The following TMEM229B variants were observed in gnomAD, a reference collection of about 807,000 sequenced individuals.
The protein encoded by TMEM229B is chromosome 14 open reading frame 83.
A neutral mutation model predicts 13.7 loss-of-function variants in TMEM229B; 6 were observed. That is an observed-to-expected ratio of 0.44 (90% CI 0.24 to 0.86). The LOEUF (loss-of-function observed/expected upper bound fraction) is 0.86. Ranked by LOEUF, TMEM229B falls within the 40% of genes least tolerant of loss-of-function variation. The pLI is 0.23. For synonymous variants in TMEM229B, 107 were observed against 102.1 expected, an observed-to-expected ratio of 1.05 and a Z score of -0.29; for missense variants, 170 against 236.0, an observed-to-expected ratio of 0.72 and a Z score of 1.83.
At chr14:67,489,247 A>C (rs2032053254), upstream of TMEM229B, among the ~76,000 whole-genome samples, 1 of 152,214 alleles carries the variant, frequency 6.6e-6, no homozygotes, top group Non-Finnish European at 1.5e-5. Flanking sequence ...AGATTTGGCC[A>C]AATCCAAACA....
intron 1 of TMEM229B, among the ~76,000 whole-genome samples, chr14:67,504,579 A>G (rs1594708861): frequency 6.6e-6 from 1 of 152,294 alleles, no homozygotes; most frequent in South Asian, 2.1e-4. Flanking sequence ...AAGATGTTAA[A>G]TCAAAAAAAT....
chr14:67,514,740 A>T (rs755241744), intron 1 of TMEM229B, among the ~76,000 whole-genome samples: 41 of 151,914 alleles, frequency 2.7e-4, no homozygotes, highest in Non-Finnish European at 5.6e-4. Flanking sequence ...GTGTCAACCT[A>T]CCGCTGCCCC....
At chr14:67,481,286 A>AAAAG (rs987556045) in intron 2 of TMEM229B, among the ~76,000 whole-genome samples, 4 of 152,208 alleles carry the variant, frequency 2.6e-5, no homozygotes, top group Admixed American at 6.5e-5. Flanking sequence ...TGTCTCTTAA[A>AAAAG]AAAGAAAGAA....
intron 1 of TMEM229B, among the ~76,000 whole-genome samples, chr14:67,502,702 A>G (rs1397289538): frequency 6.6e-6 from 1 of 151,996 alleles, no homozygotes; most frequent in East Asian, 2.0e-4. Context: ...TCCACCCACC[A>G]TGGCCTCCCA....
At chr14:67,509,287 C>T (rs1418534238) in intron 1 of TMEM229B, among the ~76,000 whole-genome samples, 2 of 151,734 alleles carry the variant, frequency 1.3e-5, no homozygotes, top group East Asian at 3.9e-4. Flanking sequence ...CTTCTGTCTC[C>T]TTTTAACTAG....
chr14:67,481,749 C>T (rs1439260161), intron 2 of TMEM229B, among the ~76,000 whole-genome samples: 2 of 152,230 alleles, frequency 1.3e-5, no homozygotes, highest in Admixed American at 6.5e-5. Context: ...GGCCTCCACC[C>T]ACCCGACTCC....
chr14:67,481,631 C>T (rs1008750206), intron 2 of TMEM229B, among the ~76,000 whole-genome samples: 2 of 152,184 alleles, frequency 1.3e-5, no homozygotes, highest in African/African-American at 4.8e-5. Flanking sequence ...TTTCAGAACC[C>T]CACTCTCCAA....
At chr14:67,520,068 GA>G (rs1373212721), upstream of TMEM229B, among the ~76,000 whole-genome samples, 1 of 152,134 alleles carries the variant, frequency 6.6e-6, no homozygotes, top group Non-Finnish European at 1.5e-5. Context: ...GCAAAATTGA[GA>G]AGAAAGTACA....
At chr14:67,510,087 G>A (rs2032978079) in intron 1 of TMEM229B, among the ~76,000 whole-genome samples, 2 of 152,178 alleles carry the variant, frequency 1.3e-5, no homozygotes, top group South Asian at 4.1e-4. Flanking sequence ...CTTACTAGCT[G>A]TATGATATGG....
intron 1 of TMEM229B, among the ~76,000 whole-genome samples, chr14:67,532,010 T>C (rs1330878480): frequency 1.3e-5 from 2 of 152,052 alleles, no homozygotes; most frequent in Non-Finnish European, 2.9e-5. Flanking sequence ...TTCTGGAATG[T>C]TGAAGTGGAT....
upstream of TMEM229B, among the ~76,000 whole-genome samples, chr14:67,493,519 A>T (rs1039302071): frequency 1.3e-5 from 2 of 152,188 alleles, no homozygotes; most frequent in African/African-American, 4.8e-5. Context: ...CTTCTGCAGG[A>T]GTAAATTGCC....
At position 67,473,898 on chromosome 14, in the gene TMEM229B, G is replaced by A. The variant is rs1156284528; in HGVS notation, c.26C>T (p.Ala9Val). The A allele has an allele frequency of 6.2e-7, 1 of 1,607,546 alleles. No homozygotes were observed. The highest frequency in any genetic ancestry group is 8.5e-7 in the Non-Finnish European group (1 of 1,177,176). ...GGCATACAGGTACCAGCGGGACAGC[G>A]CCGTCAGGGGCTCGGCAGACGCCAT... MASAEPLTALSRWYLYAIH... is the reference protein window; with the variant it reads MASAEPLTVLSRWYLYAIH... The change falls in exon 3 of 3, where the codon GCG (alanine) becomes GTG (valine). Residue 9 changes from alanine to valine, a missense_variant. By Grantham distance (64) the Ala-to-Val change is moderately conservative. This residue lies in a region of TMEM229B where 36 missense variants were observed against 83.8 expected (regional missense o/e 0.43). Transcript: ENST00000554480. This position sits in a 1 kb window ranked among gnomAD's most constrained non-coding sequence, Gnocchi z 6.5.
upstream of TMEM229B, among the ~76,000 whole-genome samples, chr14:67,489,595 T>A (rs2032071057): frequency 6.6e-6 from 1 of 152,134 alleles, no homozygotes; most frequent in African/African-American, 2.4e-5. Flanking sequence ...CCCTCCTCAC[T>A]CCTTTGCGAT....
At chr14:67,490,015 T>C (rs140418018), upstream of TMEM229B, among the ~76,000 whole-genome samples, 1,971 of 151,670 alleles carry the variant, frequency 0.013, 12 homozygotes, top group Non-Finnish European at 0.019. Flanking sequence ...ATTCTGTCTA[T>C]GTGTCTGTTT....
rs1033317353 is a variant in TMEM229B, at chr14:67,471,058, G to A, written c.*2362C>T. On this transcript the variant is annotated 3_prime_UTR_variant, in exon 3 of 3. Transcript: ENST00000554480. ...TGGGTTGTTGCCTTCCTTTGCTGGA[G>A]GTTTGATGCCTTATGAGGGGCAACT... 1.2e-4 allele frequency: 18 copies of A among 152,288 alleles called. No homozygotes were observed. The highest frequency in any genetic ancestry group is 1.9e-4 in the African/African-American group (8 of 41,434). 9.4% of individuals were successfully genotyped at this position (152,288 alleles called of 1,614,324 possible). A position where few individuals can be genotyped will look rare whatever the true frequency, so the allele number is the denominator to read the frequency against.
intron 1 of TMEM229B, among the ~76,000 whole-genome samples, chr14:67,533,010 C>A (rs1229290023): frequency 6.6e-6 from 1 of 152,148 alleles, no homozygotes; most frequent in Non-Finnish European, 1.5e-5. Flanking sequence ...CCCTCCCTGC[C>A]GCCCCAGGGA....
chr14:67,528,399 A>G (rs2033398834), intron 1 of TMEM229B, among the ~76,000 whole-genome samples: 1 of 152,102 alleles, frequency 6.6e-6, no homozygotes, highest in Admixed American at 6.6e-5. Flanking sequence ...CTCTCCCCAC[A>G]CAGGCTCCCT....
At chr14:67,509,403 C>T (rs1394280343) in intron 1 of TMEM229B, among the ~76,000 whole-genome samples, 1 of 152,162 alleles carries the variant, frequency 6.6e-6, no homozygotes, top group Non-Finnish European at 1.5e-5. Flanking sequence ...ACTGCAACCT[C>T]CACCTCCCAG....
At chr14:67,483,471 G>A (rs993226217) in intron 2 of TMEM229B, among the ~76,000 whole-genome samples, 6 of 152,218 alleles carry the variant, frequency 3.9e-5, no homozygotes, top group African/African-American at 7.2e-5. Context: ...GCTTCTGGAA[G>A]GCTGGGATGG....
Sources: allele counts gnomAD v4.1 joint callset (sites outside exome capture counted in the v4.1 genomes callset), GRCh38; gene constraint gnomAD v4.1.1; regional missense constraint gnomAD v4.1.1; non-coding constraint Gnocchi (gnomAD v3.1); transcripts MANE v1.5; gene names NCBI Gene and HGNC (gene_info 2026-07-23, HGNC 2026-07-21).